LARGE1: variants seen among roughly 807,000 people sequenced by gnomAD.
LARGE1 encodes the protein LARGE xylosyl- and glucuronyltransferase 1.
In LARGE1, 43 loss-of-function variants were observed where a neutral mutation model predicts 87.6. The ratio of observed to expected loss-of-function variants is 0.49; its 90% CI spans 0.38 to 0.63. The LOEUF (loss-of-function observed/expected upper bound fraction) is 0.63. LARGE1 is among the 30% of genes least tolerant of loss of function. The pLI is 0.00. For synonymous variants in LARGE1, 434 were observed against 394.6 expected (o/e 1.10, Z -1.18); for missense variants, 802 against 1,000.2 (o/e 0.80, Z 2.67).
chr22:33,621,783 T>C (rs2079762814), intron 4 of LARGE1, among the ~76,000 whole-genome samples: 1 of 152,208 alleles, frequency 6.6e-6, no homozygotes, highest in South Asian at 2.1e-4. Context: ...ATTTCAGGGA[T>C]GACAGGAACT....
chr22:33,668,174 G>A (rs918906190), intron 2 of LARGE1, among the ~76,000 whole-genome samples: 1 of 152,164 alleles, frequency 6.6e-6, no homozygotes, highest in African/African-American at 2.4e-5. Flanking sequence ...GTTAATTATA[G>A]GTAAAGATAT....
chr22:33,766,389 T>C (rs1448797492), intron 1 of LARGE1, among the ~76,000 whole-genome samples: 3 of 152,208 alleles, frequency 2.0e-5, no homozygotes, highest in East Asian at 1.9e-4. Context: ...TTTACATTTA[T>C]GAAGAACATT....
chr22:33,141,989 C>T, the LARGE1 span, among the ~76,000 whole-genome samples: 1 of 152,174 alleles, frequency 6.6e-6, no homozygotes, highest in Non-Finnish European at 1.5e-5. Flanking sequence ...TACTCTGCTG[C>T]CATTGATGTC....
intron 2 of LARGE1, among the ~76,000 whole-genome samples, chr22:33,689,046 C>A (rs2082021695): frequency 6.6e-6 from 1 of 152,068 alleles, no homozygotes; most frequent in South Asian, 2.1e-4. Context: ...GCGCTTCAGG[C>A]CAGTAAATTA....
At chr22:33,539,142 A>G (rs2077120095) in intron 6 of LARGE1, among the ~76,000 whole-genome samples, 1 of 152,066 alleles carries the variant, frequency 6.6e-6, no homozygotes, top group South Asian at 2.1e-4. Flanking sequence ...TGTCTTTTGG[A>G]TTGTGATGAA....
chr22:33,262,215 G>T (rs1397028790), intron 11 of LARGE1, among the ~76,000 whole-genome samples: 2 of 152,228 alleles, frequency 1.3e-5, no homozygotes, highest in Non-Finnish European at 2.9e-5. Flanking sequence ...AGAGACAGTG[G>T]TTCTGGCACA....
intron 11 of LARGE1, among the ~76,000 whole-genome samples, chr22:33,241,150 A>C (rs1926491648): frequency 6.6e-6 from 1 of 152,186 alleles, no homozygotes; most frequent in Admixed American, 6.5e-5. Context: ...CTCATCACTT[A>C]AACTCACTAT....
chr22:33,278,405 A>G (rs1929746680), intron 13 of LARGE1, among the ~76,000 whole-genome samples: 1 of 152,174 alleles, frequency 6.6e-6, no homozygotes. Context: ...AGAGACTGTG[A>G]GATCACAAAT....
rs564580900 is a variant in LARGE1, at chr22:33,840,954, A to G, written c.-83+79041T>C. On this transcript the variant is annotated intron_variant, in intron 1 of 14. Coordinates refer to ENST00000397394, the MANE Select transcript of LARGE1 (RefSeq NM_133642.5). Reference sequence around the variant, plus strand: ...CCAGCTTTATGATGATGCAAAAGCAATATGCATTCAATAGAAACTATACTT... The same window carrying G: ...CCAGCTTTATGATGATGCAAAAGCAGTATGCATTCAATAGAAACTATACTT... 8.9e-4 allele frequency among the ~76,000 whole-genome samples: 135 copies of G among 152,340 alleles called. 1 individual carries two copies. Among genetic ancestry groups the G allele is most frequent in the Non-Finnish European group, 4.4e-4 (30 of 68,028 alleles).
At chr22:33,246,750 A>C (rs975036752) in intron 11 of LARGE1, among the ~76,000 whole-genome samples, 3 of 152,244 alleles carry the variant, frequency 2.0e-5, no homozygotes, top group Admixed American at 6.5e-5. Context: ...TGATAGGCGG[A>C]GTATGAATCA....
chr22:33,723,274 T>C (rs1223123075), intron 2 of LARGE1, among the ~76,000 whole-genome samples: 1 of 152,154 alleles, frequency 6.6e-6, no homozygotes, highest in East Asian at 1.9e-4. Flanking sequence ...AATTTCCAGG[T>C]TGGCTGCAGA....
chr22:33,387,867 T>C (rs2147172018), intron 7 of LARGE1, among the ~76,000 whole-genome samples: 1 of 151,922 alleles, frequency 6.6e-6, no homozygotes, highest in African/African-American at 2.4e-5. Flanking sequence ...GATATAATGG[T>C]TGTTATAATA....
At chr22:33,261,096 G>C (rs1602163726) in intron 11 of LARGE1, among the ~76,000 whole-genome samples, 1 of 152,170 alleles carries the variant, frequency 6.6e-6, no homozygotes, top group South Asian at 2.1e-4. Context: ...CATTCAGCAT[G>C]CGTGTACCAG....
intron 11 of LARGE1, among the ~76,000 whole-genome samples, chr22:33,310,180 G>A (rs1935406180): frequency 6.6e-6 from 1 of 152,130 alleles, no homozygotes; most frequent in Non-Finnish European, 1.5e-5. Flanking sequence ...CTGTGTTGCT[G>A]GTTCCAGGAG....
At chr22:33,128,322 T>C in the LARGE1 span, among the ~76,000 whole-genome samples, 1 of 152,200 alleles carries the variant, frequency 6.6e-6, no homozygotes, top group Non-Finnish European at 1.5e-5. Flanking sequence ...TGTAGCACTA[T>C]TCACAATAAC....
the LARGE1 span, among the ~76,000 whole-genome samples, chr22:33,138,250 C>T: frequency 6.6e-6 from 1 of 152,132 alleles, no homozygotes; most frequent in Non-Finnish European, 1.5e-5. Context: ...GACTGCCCCA[C>T]TGGATTTCGG....
chr22:33,108,294 G>T, the LARGE1 span, among the ~76,000 whole-genome samples: 1 of 152,168 alleles, frequency 6.6e-6, no homozygotes, highest in African/African-American at 2.4e-5. Context: ...AAAGAAAAAT[G>T]GCTAAACATA....
intron 2 of LARGE1, among the ~76,000 whole-genome samples, chr22:33,726,999 T>C (rs774975085): frequency 6.6e-6 from 1 of 151,916 alleles, no homozygotes; most frequent in Non-Finnish European, 1.5e-5. Context: ...GAGATGTGAG[T>C]AGATTTGGAA....
intron 10 of LARGE1, among the ~76,000 whole-genome samples, chr22:33,330,560 C>A (rs969056106): frequency 5.9e-5 from 9 of 152,120 alleles, no homozygotes; most frequent in African/African-American, 1.9e-4. Context: ...AGAATTCTAA[C>A]CTCCATCCCT....
Sources: gnomAD v4.1 joint callset for allele counts (sites outside exome capture counted in the v4.1 genomes callset) on GRCh38, gnomAD v4.1.1 for gene constraint, MANE v1.5 for transcripts, NCBI Gene and HGNC (gene_info 2026-07-23, HGNC 2026-07-21) for gene names.